Variants in SEC14L3 observed in about 807,000 individuals in gnomAD.
SEC14L3 encodes the protein SEC14-like protein 3.
A neutral mutation model predicts 57.4 loss-of-function variants in SEC14L3; 56 were observed. The ratio of observed to expected loss-of-function variants is 0.97; its 90% CI spans 0.79 to 1.22. SEC14L3 has a LOEUF of 1.22. Among genes scored for constraint, SEC14L3 ranks in the 50% most tolerant of loss-of-function variants. SEC14L3 has a pLI of 0.00. For synonymous variants in SEC14L3, 173 were observed against 194.4 expected (o/e 0.89, Z 0.92); for missense variants, 485 against 511.7 (o/e 0.95, Z 0.50).
At chr22:30,462,300 G>A in intron 8 of SEC14L3, 108 bp from the exon 9 acceptor site, 1 of 1,457,666 alleles carries the variant, frequency 6.9e-7, no homozygotes, top group South Asian at 1.5e-5. Flanking sequence ...ATAGGAGGTA[G>A]GCTGCCAGGA....
chr22:30,455,092 T>C (rs1316147749), downstream of SEC14L3, among the ~76,000 whole-genome samples: 1 of 76,624 alleles, frequency 1.3e-5, no homozygotes, highest in African/African-American at 5.4e-5. Flanking sequence ...AAATATTTAA[T>C]ATATAATATA....
rs1935178306 is a variant in SEC14L3 at position 30,459,318 on chromosome 22, G to A, written c.*703C>T. 5.1e-6 allele frequency: 5 copies of A among 985,440 alleles called. No homozygotes were observed. In the South Asian group the frequency reaches 1.9e-4, roughly 37 times the overall value. The allele number at this position is 985,440 out of a possible 1,614,324, so 61.0% of individuals were successfully genotyped here. On this transcript the variant is annotated 3_prime_UTR_variant, in exon 12 of 12. Coordinates refer to ENST00000215812, the MANE Select transcript of SEC14L3 (RefSeq NM_174975.5). ...TAAAACATAAGCTATGTGCAACAAG[G>A]GAAGTGGGTTAGGGTGGGAAGCTGA...
At chr22:30,451,117 G>A (rs1310509913) in intron 12 of SEC14L3, among the ~76,000 whole-genome samples, 2 of 152,208 alleles carry the variant, frequency 1.3e-5, no homozygotes, top group Admixed American at 6.5e-5. Context: ...AGAGAAATGT[G>A]GCACCAAGGT....
intron 4 of SEC14L3, 127 bp from the exon 5 acceptor site, chr22:30,468,823 C>A: frequency 6.3e-7 from 1 of 1,579,044 alleles, no homozygotes; most frequent in Non-Finnish European, 8.6e-7. Context: ...CCCTGGAAGA[C>A]AGTGCTATTG....
At chr22:30,452,713 C>CT (rs1935011528) in intron 12 of SEC14L3, among the ~76,000 whole-genome samples, 2 of 137,074 alleles carry the variant, frequency 1.5e-5, no homozygotes, top group Non-Finnish European at 3.3e-5. Context: ...TTCTTTCTTT[C>CT]TTTCTTTTTT....
At chr22:30,469,048 A>C (rs1221225407) in intron 4 of SEC14L3, 3 of 1,119,342 alleles carry the variant, frequency 2.7e-6, no homozygotes, top group African/African-American at 3.2e-5. Context: ...CTGGGCATGG[A>C]GGCTCATGCC....
At chr22:30,452,156 A>C (rs1468326170) in intron 12 of SEC14L3, among the ~76,000 whole-genome samples, 1 of 151,776 alleles carries the variant, frequency 6.6e-6, no homozygotes, top group Non-Finnish European at 1.5e-5. Flanking sequence ...CGTGTTTCAT[A>C]CTAATGCCCC....
In SEC14L3 at chr22:30,464,395, C is replaced by T. The variant is rs1277301791; in HGVS notation, c.664+425G>A. On this transcript the variant is annotated intron_variant, in intron 8 of 11. Coordinates refer to ENST00000215812, the MANE Select transcript of SEC14L3 (RefSeq NM_174975.5). ...ACTCTTTAGGGTAAAACCCACTTCA[C>T]TGTTGGGAAGAAGGAGCCTCTGACT... 1.1e-4 allele frequency among the ~76,000 whole-genome samples: 16 copies of T among 152,258 alleles called. No individual in the cohort carries two copies. In the East Asian group the frequency reaches 2.9e-3, roughly 28 times the overall value.
rs781410390 is a variant in SEC14L3, at chr22:30,462,080, T to C, written c.771+6A>G. ...CTCTCTTGTCCCAGGGAAGGGCTCTTTGTACCTTGGTTAAACATTTGGGGT... is the reference window on the plus strand; with the variant it reads ...CTCTCTTGTCCCAGGGAAGGGCTCTCTGTACCTTGGTTAAACATTTGGGGT... On this transcript the variant is annotated splice_donor_region_variant and intron_variant, in intron 9 of 11. Coordinates refer to ENST00000215812, the MANE Select transcript of SEC14L3 (RefSeq NM_174975.5). 6.2e-7 allele frequency: 1 copy of C among 1,613,854 alleles called. No homozygotes were observed. Among genetic ancestry groups the C allele is most frequent in the South Asian group, 1.1e-5 (1 of 90,958 alleles).
intron 8 of SEC14L3, among the ~76,000 whole-genome samples, chr22:30,462,761 G>A (rs1287384157): frequency 5.6e-5 from 8 of 142,250 alleles, no homozygotes; most frequent in East Asian, 2.1e-4. Flanking sequence ...TTTTTGAGAC[G>A]GAGTCTTGCT....
At chr22:30,452,949 C>T (rs1032345980) in intron 12 of SEC14L3, among the ~76,000 whole-genome samples, 4 of 152,066 alleles carry the variant, frequency 2.6e-5, no homozygotes, top group African/African-American at 7.2e-5. Context: ...AACTCCTATA[C>T]TCAAGCAATC....
At chr22:30,468,798 A>T in intron 4 of SEC14L3, 102 bp from the exon 5 acceptor site, 1 of 1,605,418 alleles carries the variant, frequency 6.2e-7, no homozygotes, top group Non-Finnish European at 8.5e-7. Flanking sequence ...CCATGGTATA[A>T]AAAGCACTGT....
At position 30,462,077 on chromosome 22, in the gene SEC14L3, T is replaced by C. The variant is rs1416920009; in HGVS notation, c.771+9A>G. The C allele has an allele frequency of 1.9e-6, 3 of 1,613,562 alleles. No individual in the cohort carries two copies. The highest frequency in any genetic ancestry group is 2.5e-6 in the Non-Finnish European group (3 of 1,179,798). On this transcript the variant is annotated intron_variant, in intron 9 of 11. Transcript: ENST00000215812. ...AACCTCTCTTGTCCCAGGGAAGGGC[T>C]CTTTGTACCTTGGTTAAACATTTGG...
chr22:30,462,595 T>G (rs577679361), intron 8 of SEC14L3, among the ~76,000 whole-genome samples: 102 of 151,092 alleles, frequency 6.8e-4, no homozygotes, highest in Admixed American at 1.1e-3. Flanking sequence ...TTTTGTTTGG[T>G]TTTTTTTTGT....
intron 11 of SEC14L3, among the ~76,000 whole-genome samples, chr22:30,461,002 G>A (rs1310642502): frequency 6.6e-6 from 1 of 152,186 alleles, no homozygotes; most frequent in African/African-American, 2.4e-5. Flanking sequence ...CTCTGCACAA[G>A]TTGATTTATT....
downstream of SEC14L3, among the ~76,000 whole-genome samples, chr22:30,455,220 A>T (rs1462143766): frequency 8.1e-6 from 1 of 123,830 alleles, no homozygotes; most frequent in Non-Finnish European, 1.6e-5. Context: ...AATATTAAAT[A>T]ATATAATATA....
chr22:30,462,579 A>G (rs1244823138), intron 8 of SEC14L3, among the ~76,000 whole-genome samples: 2 of 151,076 alleles, frequency 1.3e-5, no homozygotes, highest in East Asian at 3.9e-4. Context: ...GCTAATTTTT[A>G]TTTGGTTTTG....
At chr22:30,448,846 C>T (rs979836164) in exon 13 of SEC14L3, 2 of 463,464 alleles carry the variant, frequency 4.3e-6, no homozygotes, top group Admixed American at 3.4e-5. Flanking sequence ...GAGCTATGAT[C>T]GCACCACTGC....
chr22:30,470,476 T>C (rs771199115), intron 2 of SEC14L3, 31 bp downstream of exon 2: 1 of 1,613,226 alleles, frequency 6.2e-7, no homozygotes, highest in Non-Finnish European at 8.5e-7. Flanking sequence ...TGATGCCCCC[T>C]GATCCCAACC....
Sources: gnomAD v4.1 joint callset for allele counts (sites outside exome capture counted in the v4.1 genomes callset) on GRCh38, gnomAD v4.1.1 for gene constraint, MANE v1.5 for transcripts, NCBI Gene and HGNC (gene_info 2026-07-23, HGNC 2026-07-21) for gene names.